PBX1: variants seen among roughly 807,000 people sequenced by gnomAD.
The protein encoded by PBX1 is PBX homeobox 1.
In PBX1, 6 loss-of-function variants were observed where a neutral mutation model predicts 53.4. That is an observed-to-expected ratio of 0.11 (90% confidence interval 0.06 to 0.22). The LOEUF (loss-of-function observed/expected upper bound fraction) is 0.22. Ranked by LOEUF, PBX1 falls within the 10% of genes least tolerant of loss-of-function variation. The pLI, the probability that PBX1 is intolerant of heterozygous loss-of-function variation, is 1.00. For missense variants in PBX1, 251 were observed against 551.4 expected (o/e 0.46, Z 5.46); for synonymous variants, 204 against 212.3 (o/e 0.96, Z 0.34).
rs539866852 is a variant in PBX1, at chr1:164,848,283, G to T, written c.*1607G>T. ...ACCATCTTCATAGCCAACCCTACCA[G>T]TTATAAAGATGGCAGCTCTATCACT... On this transcript the variant is annotated 3_prime_UTR_variant, in exon 9 of 9. Transcript: ENST00000420696. 9 of 1,056,258 alleles carry T rather than the reference G, an allele frequency of 8.5e-6. No homozygotes were observed. The African/African-American group carries it at 1.2e-4, about 14-fold the overall frequency. 65.4% of individuals were successfully genotyped at this position (1,056,258 alleles called of 1,614,324 possible).
chr1:164,800,882 G>A (rs3753902), intron 4 of PBX1, among the ~76,000 whole-genome samples: 73,767 of 151,920 alleles, frequency 0.49, 18,180 homozygotes, highest in South Asian at 0.58. Flanking sequence ...CCATTTCACA[G>A]TCTATAATTT....
chr1:164,719,592 T>C (rs1664293040), intron 2 of PBX1, among the ~76,000 whole-genome samples: 1 of 152,162 alleles, frequency 6.6e-6, no homozygotes, highest in Non-Finnish European at 1.5e-5. Context: ...CAGGCATTTG[T>C]AGTTTTGGAA....
chr1:164,602,980 GT>G (rs1298720972), intron 2 of PBX1, among the ~76,000 whole-genome samples: 2 of 152,152 alleles, frequency 1.3e-5, no homozygotes, highest in African/African-American at 4.8e-5. Flanking sequence ...GAGTTCCTGA[GT>G]GTCGGGTTTC....
At chr1:164,618,062 GATC>G (rs1557894325) in intron 2 of PBX1, among the ~76,000 whole-genome samples, 1 of 152,170 alleles carries the variant, frequency 6.6e-6, no homozygotes, top group South Asian at 2.1e-4. Context: ...AAAGAGCAGA[GATC>G]ATAATGCTTA....
chr1:164,872,353 C>A (rs1304996059), intron 2 of PBX1, among the ~76,000 whole-genome samples: 1 of 152,158 alleles, frequency 6.6e-6, no homozygotes, highest in Non-Finnish European at 1.5e-5. Context: ...ATCTATAGTC[C>A]CTGTTCTCTT....
chr1:164,852,557 A>T (rs1054156510), downstream of PBX1, among the ~76,000 whole-genome samples: 4 of 152,130 alleles, frequency 2.6e-5, no homozygotes, highest in African/African-American at 4.8e-5. Flanking sequence ...CTGCCTTTTG[A>T]CATGTTACTC....
chr1:164,771,001 C>G (rs1320352061), intron 2 of PBX1: 1 of 151,976 alleles, frequency 6.6e-6, no homozygotes. Context: ...ACTTCACTCC[C>G]AGGCCTCCTG....
chr1:164,813,768 C>A (rs1455722535), intron 6 of PBX1: 1 of 152,188 alleles, frequency 6.6e-6, no homozygotes, highest in East Asian at 1.9e-4. Flanking sequence ...TGTGGACTTT[C>A]TTCATTACTA....
chr1:164,839,922 C>G (rs757304132), intron 8 of PBX1, among the ~76,000 whole-genome samples: 1 of 151,564 alleles, frequency 6.6e-6, no homozygotes, highest in Non-Finnish European at 1.5e-5. Flanking sequence ...GAGAGGATAC[C>G]CTGGCAGTCA....
At chr1:164,794,190 G>A (rs1016312733) in intron 3 of PBX1, among the ~76,000 whole-genome samples, 11 of 151,994 alleles carry the variant, frequency 7.2e-5, no homozygotes, top group African/African-American at 2.7e-4. Flanking sequence ...CTTTTTAAAA[G>A]CCAAAAAAGA....
chr1:164,679,361 A>G (rs1465178951), intron 2 of PBX1, among the ~76,000 whole-genome samples: 4 of 152,160 alleles, frequency 2.6e-5, no homozygotes, highest in Non-Finnish European at 5.9e-5. Flanking sequence ...GCTGCTGTGG[A>G]CATCACAGTG....
chr1:164,868,155 T>C (rs1672263768), intron 2 of PBX1, among the ~76,000 whole-genome samples: 1 of 152,142 alleles, frequency 6.6e-6, no homozygotes, highest in Admixed American at 6.5e-5. Context: ...CCGTGCACAA[T>C]ACCAGGCTAA....
chr1:164,705,800 A>C (rs1393870004), intron 2 of PBX1, among the ~76,000 whole-genome samples: 1 of 152,182 alleles, frequency 6.6e-6, no homozygotes, highest in African/African-American at 2.4e-5. Flanking sequence ...AGAATTCCTT[A>C]ACCTCTTCAG....
At chr1:164,708,810 C>T (rs996284615) in intron 2 of PBX1, among the ~76,000 whole-genome samples, 1 of 152,156 alleles carries the variant, frequency 6.6e-6, no homozygotes, top group Non-Finnish European at 1.5e-5. Context: ...GTAACCAAGA[C>T]AAAGTTAGAA....
At chr1:164,728,236 G>C (rs1187149263) in intron 2 of PBX1, among the ~76,000 whole-genome samples, 1 of 151,856 alleles carries the variant, frequency 6.6e-6, no homozygotes, top group Non-Finnish European at 1.5e-5. Flanking sequence ...AGGATTGCTT[G>C]AGCCTGGGAG....
At chr1:164,825,322 A>T (rs1019417115) in intron 8 of PBX1, among the ~76,000 whole-genome samples, 2 of 152,142 alleles carry the variant, frequency 1.3e-5, no homozygotes, top group Admixed American at 6.5e-5. Flanking sequence ...TCACAGACAC[A>T]CATTTTCTTT....
intron 2 of PBX1, among the ~76,000 whole-genome samples, chr1:164,648,104 C>T (rs1429114186): frequency 3.9e-5 from 6 of 151,992 alleles, no homozygotes; most frequent in African/African-American, 7.3e-5. Flanking sequence ...CGTGAGCCAC[C>T]GTGCCCAGCC....
intron 2 of PBX1, among the ~76,000 whole-genome samples, chr1:164,581,705 T>C (rs1405394485): frequency 6.6e-6 from 1 of 152,260 alleles, no homozygotes; most frequent in Admixed American, 6.5e-5. Context: ...TAAAACTTAC[T>C]GTTTAGAAAA....
chr1:164,834,871 G>A (rs1259651985), intron 8 of PBX1, among the ~76,000 whole-genome samples: 2 of 152,116 alleles, frequency 1.3e-5, no homozygotes, highest in Non-Finnish European at 2.9e-5. Context: ...AAAGACATGA[G>A]TTAGATATGG....
Sources: allele counts gnomAD v4.1 joint callset (sites outside exome capture counted in the v4.1 genomes callset), GRCh38; gene constraint gnomAD v4.1.1; transcripts MANE v1.5; gene names NCBI Gene and HGNC (gene_info 2026-07-23, HGNC 2026-07-21).